The following FTCDNL1 variants were observed in gnomAD, a reference collection of about 807,000 sequenced individuals.
The protein encoded by FTCDNL1 is formiminotransferase N-terminal subdomain-containing protein.
In FTCDNL1, 11 loss-of-function variants were observed where a neutral mutation model predicts 5.9. The ratio of observed to expected loss-of-function variants is 1.87; its 90% CI spans 1.18 to 3.10. The LOEUF is 3.10. Ranked by LOEUF, FTCDNL1 falls within the 30% of genes most tolerant of loss-of-function variation. FTCDNL1 has a pLI of 0.00. For missense variants in FTCDNL1, 115 were observed against 65.5 expected (o/e 1.76, Z -2.61); for synonymous variants, 58 against 24.8 (o/e 2.34, Z -3.99).
intron 3 of FTCDNL1, among the ~76,000 whole-genome samples, chr2:199,841,587 G>A (rs569099864): frequency 2.6e-5 from 4 of 151,966 alleles, no homozygotes; most frequent in East Asian, 1.9e-4. Context: ...CATTGTTCAC[G>A]ATGAATCATT....
chr2:199,753,805 A>G, the FTCDNL1 span, among the ~76,000 whole-genome samples: 1 of 152,202 alleles, frequency 6.6e-6, no homozygotes, highest in African/African-American at 2.4e-5. Context: ...ATATTCAGAG[A>G]TTATTTGTGG....
chr2:199,749,207 T>C, the FTCDNL1 span, among the ~76,000 whole-genome samples: 3 of 152,170 alleles, frequency 2.0e-5, no homozygotes, highest in Admixed American at 1.3e-4. Flanking sequence ...AATGACAACA[T>C]GTGTGACCTG....
At chr2:199,695,249 AATAAT>A in the FTCDNL1 span, among the ~76,000 whole-genome samples, 7 of 152,352 alleles carry the variant, frequency 4.6e-5, no homozygotes, top group East Asian at 1.3e-3. Context: ...AAATTGGAAC[AATAAT>A]ATAATCTACC....
At chr2:199,832,286 T>C (rs1042701379) in intron 3 of FTCDNL1, among the ~76,000 whole-genome samples, 1 of 152,188 alleles carries the variant, frequency 6.6e-6, no homozygotes, top group African/African-American at 2.4e-5. Flanking sequence ...ACTCATTTTA[T>C]TGTGTCCTGT....
chr2:199,714,860 G>A, the FTCDNL1 span, among the ~76,000 whole-genome samples: 5 of 150,636 alleles, frequency 3.3e-5, no homozygotes, highest in Non-Finnish European at 7.4e-5. Flanking sequence ...ACCAAACACC[G>A]CATGTTCTCA....
chr2:199,805,476 T>C (rs1700673939), downstream of FTCDNL1, among the ~76,000 whole-genome samples: 1 of 152,100 alleles, frequency 6.6e-6, no homozygotes. Flanking sequence ...CAGTAGCTCA[T>C]ACCTGTAATC....
chr2:199,835,209 GT>G (rs1702645372), intron 3 of FTCDNL1, among the ~76,000 whole-genome samples: 1 of 152,010 alleles, frequency 6.6e-6, no homozygotes, highest in Non-Finnish European at 1.5e-5. Flanking sequence ...CATGAACACT[GT>G]TACTTCTGCA....
Position 199,812,495 on chromosome 2 carries a change from C to T in FTCDNL1, c.*210G>A, listed in dbSNP as rs746531596. 4 of 442,320 alleles carry T rather than the reference C, an allele frequency of 9.0e-6. No individual in the cohort carries two copies. The highest frequency in any genetic ancestry group is 1.2e-5 in the Non-Finnish European group (3 of 251,736). 27.4% of individuals were successfully genotyped at this position (442,320 alleles called of 1,614,324 possible). A position where few individuals can be genotyped will look rare whatever the true frequency, so the allele number is the denominator to read the frequency against. On this transcript the variant is annotated 3_prime_UTR_variant, in exon 5 of 5. Coordinates refer to ENST00000420128, the MANE Select transcript of FTCDNL1 (RefSeq NM_001363886.2). ...ATTTTAAATGAGAGAGATAATTAAT[C>T]CCAGCAAATCGTATTTCTAGTTAAA...
At chr2:199,738,771 A>G in the FTCDNL1 span, among the ~76,000 whole-genome samples, 1 of 152,184 alleles carries the variant, frequency 6.6e-6, no homozygotes, top group African/African-American at 2.4e-5. Flanking sequence ...GAGAAAAGCA[A>G]ATAATGATGG....
intron 3 of FTCDNL1, among the ~76,000 whole-genome samples, chr2:199,835,586 A>G (rs185937869): frequency 1.5e-4 from 23 of 152,300 alleles, no homozygotes; most frequent in Middle Eastern, 3.4e-3. Flanking sequence ...CATCAACGTC[A>G]TTAACATCAT....
chr2:199,784,868 T>G (rs1699554882), intron 3 of FTCDNL1, among the ~76,000 whole-genome samples: 2 of 152,190 alleles, frequency 1.3e-5, no homozygotes, highest in South Asian at 4.1e-4. Flanking sequence ...GGCCTAAGGA[T>G]AGCCTACAGC....
chr2:199,812,796 C>A, intron 4 of FTCDNL1, 72 bp from the exon 5 acceptor site: 2 of 663,842 alleles, frequency 3.0e-6, no homozygotes, highest in Non-Finnish European at 5.4e-6. Context: ...ATTTATCATT[C>A]TAAATATTGG....
At chr2:199,688,599 A>C in the FTCDNL1 span, among the ~76,000 whole-genome samples, 38 of 152,304 alleles carry the variant, frequency 2.5e-4, no homozygotes, top group African/African-American at 9.1e-4. Flanking sequence ...GTTCCCAGGC[A>C]GTGGAGACAG....
At chr2:199,799,142 T>G (rs1700318152) in intron 3 of FTCDNL1, among the ~76,000 whole-genome samples, 1 of 152,194 alleles carries the variant, frequency 6.6e-6, no homozygotes, top group Non-Finnish European at 1.5e-5. Flanking sequence ...TGTGCTACGC[T>G]GAAAATAAAA....
intron 3 of FTCDNL1, among the ~76,000 whole-genome samples, chr2:199,837,483 A>G (rs1414453150): frequency 6.6e-6 from 1 of 152,224 alleles, no homozygotes; most frequent in Non-Finnish European, 1.5e-5. Context: ...TTTATGAGAC[A>G]ATCTCCATAG....
the FTCDNL1 span, among the ~76,000 whole-genome samples, chr2:199,674,659 G>A: frequency 2.7e-3 from 416 of 152,256 alleles, 4 homozygotes; most frequent in African/African-American, 9.7e-3. Flanking sequence ...GCCTGTCTTA[G>A]CAACTATGTC....
the FTCDNL1 span, among the ~76,000 whole-genome samples, chr2:199,666,079 G>C: frequency 6.6e-6 from 1 of 152,184 alleles, no homozygotes; most frequent in African/African-American, 2.4e-5. Context: ...TACTTAACCT[G>C]TATCTCAGTT....
chr2:199,741,875 T>C, the FTCDNL1 span, among the ~76,000 whole-genome samples: 3 of 152,246 alleles, frequency 2.0e-5, no homozygotes, highest in South Asian at 4.1e-4. Context: ...AGAATGTTTT[T>C]AAATTAATGG....
At chr2:199,767,506 T>C (rs560825853) in intron 3 of FTCDNL1, among the ~76,000 whole-genome samples, 2 of 152,296 alleles carry the variant, frequency 1.3e-5, no homozygotes, top group South Asian at 2.1e-4. Context: ...AATATATGCG[T>C]CCCCTCCAAG....
Sources: allele counts gnomAD v4.1 joint callset (sites outside exome capture counted in the v4.1 genomes callset), GRCh38; gene constraint gnomAD v4.1.1; transcripts MANE v1.5; gene names NCBI Gene and HGNC (gene_info 2026-07-23, HGNC 2026-07-21).